The following CTSB variants were observed in gnomAD, a reference collection of about 807,000 sequenced individuals.
The protein encoded by CTSB is APP secretase.
In CTSB, 57 loss-of-function variants were observed where a neutral mutation model predicts 44.3. The observed-to-expected ratio is 1.29, with a 90% CI of 1.04 to 1.60. CTSB has a LOEUF of 1.60. CTSB is among the 40% of genes most tolerant of loss of function. The pLI is 0.00. For synonymous variants in CTSB, 320 were observed against 168.0 expected, an observed-to-expected ratio of 1.91 and a Z score of -7.00; for missense variants, 768 against 443.0, an observed-to-expected ratio of 1.73 and a Z score of -6.59.
chr8:11,856,516 G>A (rs1268330500), intron 1 of CTSB, among the ~76,000 whole-genome samples: 2 of 152,126 alleles, frequency 1.3e-5, no homozygotes, highest in African/African-American at 4.8e-5. Context: ...GGGAGGCTGA[G>A]GCAGTAGAAT....
At chr8:11,858,192 C>T (rs931112456) in intron 1 of CTSB, among the ~76,000 whole-genome samples, 1 of 152,254 alleles carries the variant, frequency 6.6e-6, no homozygotes, top group Non-Finnish European at 1.5e-5. Flanking sequence ...CCAGCGGGCT[C>T]TGTTCCCTCC....
At position 11,849,094 on chromosome 8, in the gene CTSB, A is replaced by G. The variant is rs1159864648; in HGVS notation, c.398T>C (p.Val133Ala). The change falls in exon 5 of 10, where the codon GTG (valine) becomes GCG (alanine). Residue 133 changes from valine (V) to alanine (A), a missense_variant. Physicochemically the swap from Val to Ala is moderately conservative, Grantham distance 64. Transcript: ENST00000353047. ...IHTNAHVSVEVSAEDLLTCCG... is the reference protein window; with the variant it reads ...IHTNAHVSVEASAEDLLTCCG... ...GCATGTGAGCAGGTCCTCCGCCGAC[A>G]CCTCCACGCTGACGTGCGCATTGGT... is the stretch of plus-strand genomic sequence containing the variant. 1 of 1,613,450 alleles carries G rather than the reference A, an allele frequency of 6.2e-7. No homozygotes were observed. The highest frequency in any genetic ancestry group is 1.3e-5 in the African/African-American group (1 of 74,894).
chr8:11,845,927 C>CA (rs1352679535), intron 8 of CTSB, 138 bp from the exon 9 acceptor site: 1 of 992,886 alleles, frequency 1.0e-6, no homozygotes, highest in Middle Eastern at 3.2e-4. Flanking sequence ...CAGGAGGCTC[C>CA]AGGGGGGGTC....
chr8:11,854,991 C>G (rs542043218), intron 1 of CTSB: 11 of 152,402 alleles, frequency 7.2e-5, no homozygotes, highest in Admixed American at 7.2e-4. Context: ...ACACTGGACT[C>G]CTCACACACA....
intron 8 of CTSB, chr8:11,846,359 A>T (rs566054387): frequency 6.6e-6 from 1 of 152,524 alleles, no homozygotes; most frequent in African/African-American, 2.4e-5. Context: ...CTATGCTAAG[A>T]AGTGCCATCT....
At position 11,850,803 on chromosome 8, in the gene CTSB, A is replaced by G. The variant is rs773681121; in HGVS notation, c.327+63T>C. 7.4e-6 allele frequency: 9 copies of G among 1,217,566 alleles called. No individual in the cohort carries two copies. In the Middle Eastern group the frequency reaches 7.2e-4, roughly 97 times the overall value. The allele number at this position is 1,217,566 out of a possible 1,614,324, so 75.4% of individuals were successfully genotyped here. A position where few individuals can be genotyped will look rare whatever the true frequency, so the allele number is the denominator to read the frequency against. On this transcript the variant is annotated intron_variant, in intron 4 of 9. Transcript: ENST00000353047. Reference sequence around the variant, plus strand: ...AGTTGTCCCCACCCCGAATCCCCCAAGACTCTCCAGTGTTGCTCCCACTTT... The same window carrying G: ...AGTTGTCCCCACCCCGAATCCCCCAGGACTCTCCAGTGTTGCTCCCACTTT...
chr8:11,860,375 C>G (rs1310325177), intron 1 of CTSB, among the ~76,000 whole-genome samples: 3 of 152,188 alleles, frequency 2.0e-5, no homozygotes, highest in Non-Finnish European at 4.4e-5. Context: ...GTAATCCCAG[C>G]ACTTTGGGAG....
chr8:11,846,054 T>A (rs983293355), intron 8 of CTSB: 7 of 297,208 alleles, frequency 2.4e-5, no homozygotes, highest in African/African-American at 1.3e-4. Context: ...ATAGAATTTC[T>A]AATACATTCT....
intron 4 of CTSB, among the ~76,000 whole-genome samples, chr8:11,850,438 A>G (rs1354534565): frequency 1.9e-3 from 133 of 69,030 alleles, no homozygotes; most frequent in Non-Finnish European, 3.5e-3. Flanking sequence ...AAAAAAAAAA[A>G]AAAGAAAGAA....
rs145460996 is a variant in CTSB, at chr8:11,847,074, C to T, written c.771G>A (p.Ser257=). The T allele has an allele frequency of 1.7e-5, 28 of 1,610,060 alleles. No individual in the cohort carries two copies. The highest frequency in any genetic ancestry group is 1.6e-4 in the East Asian group (7 of 44,864). Residue 257 remains serine (S), a synonymous_variant, in exon 8 of 10, where the codon TCG becomes TCA. Coordinates refer to ENST00000353047, the MANE Select transcript of CTSB (RefSeq NM_001908.5). ...GPVEGAFSVY[S]DFLLYKSGVY... Reference sequence around the variant, plus strand: ...CACCTGACTTGTAGAGCAGGAAGTCCGAATACACAGAGAAAGCTCCCTCCA... The same window carrying T: ...CACCTGACTTGTAGAGCAGGAAGTCTGAATACACAGAGAAAGCTCCCTCCA...
At chr8:11,854,367 T>TC (rs1815156888) in intron 1 of CTSB, among the ~76,000 whole-genome samples, 1 of 152,126 alleles carries the variant, frequency 6.6e-6, no homozygotes, top group South Asian at 2.1e-4. Flanking sequence ...TGTCAGTGCT[T>TC]AACAAACTGC....
chr8:11,863,130 T>C (rs892202295), intron 1 of CTSB, among the ~76,000 whole-genome samples: 13 of 152,280 alleles, frequency 8.5e-5, no homozygotes, highest in Admixed American at 1.3e-4. Context: ...CTGGGCAGGA[T>C]AGTGACCTCG....
chr8:11,866,319 T>G (rs1425036768), intron 1 of CTSB, among the ~76,000 whole-genome samples: 1 of 152,202 alleles, frequency 6.6e-6, no homozygotes, highest in Non-Finnish European at 1.5e-5. Context: ...CCTAACCAGT[T>G]GGAAACAGGG....
intron 2 of CTSB, 54 bp from the exon 3 acceptor site, chr8:11,852,749 G>C: frequency 1.3e-6 from 2 of 1,520,812 alleles, no homozygotes; most frequent in Non-Finnish European, 1.8e-6. Flanking sequence ...CGGTGGATGG[G>C]CACGCTGCCC....
chr8:11,853,175 C>G (rs1183002585), intron 2 of CTSB, among the ~76,000 whole-genome samples, 154 bp downstream of exon 2: 1 of 151,926 alleles, frequency 6.6e-6, no homozygotes, highest in Non-Finnish European at 1.5e-5. Flanking sequence ...GAGGCGTGGT[C>G]CAGAGCCGAC....
At chr8:11,848,963 G>C in intron 5 of CTSB, 83 bp downstream of exon 5, 1 of 978,358 alleles carries the variant, frequency 1.0e-6, no homozygotes, top group South Asian at 1.4e-5. Flanking sequence ...GTCCCAGGAA[G>C]TCCTCAAAGT....
chr8:11,850,818 G>T, intron 4 of CTSB, 48 bp downstream of exon 4: 1 of 1,379,358 alleles, frequency 7.2e-7, no homozygotes, highest in Non-Finnish European at 1.0e-6. Context: ...CTCCAGTGTT[G>T]CTCCCACTTT....
intron 1 of CTSB, among the ~76,000 whole-genome samples, chr8:11,857,636 T>C (rs936332178): frequency 5.3e-5 from 8 of 152,152 alleles, no homozygotes; most frequent in African/African-American, 1.7e-4. Context: ...GAGGACAACC[T>C]GCCGTGGCCA....
chr8:11,862,468 T>A (rs549398137), intron 1 of CTSB: 6 of 152,236 alleles, frequency 3.9e-5, no homozygotes, highest in Non-Finnish European at 8.8e-5. Context: ...ATTTCTATTT[T>A]CAGAAGTATC....
Sources: allele counts gnomAD v4.1 joint callset (sites outside exome capture counted in the v4.1 genomes callset), GRCh38; gene constraint gnomAD v4.1.1; transcripts MANE v1.5; gene names NCBI Gene and HGNC (gene_info 2026-07-23, HGNC 2026-07-21).